Variants in TNFRSF4 observed in about 807,000 individuals in gnomAD.
The protein encoded by TNFRSF4 is tumor necrosis factor receptor superfamily member 4.
A neutral mutation model predicts 29.5 loss-of-function variants in TNFRSF4; 21 were observed. That is an observed-to-expected ratio of 0.71 (90% CI 0.51 to 1.03). The LOEUF (loss-of-function observed/expected upper bound fraction) is 1.03. TNFRSF4 is among the 50% of genes least tolerant of loss of function. The probability of loss-of-function intolerance (pLI) is 0.00; values close to 1 mark genes in which losing one functional copy is unlikely to be tolerated. For missense variants in TNFRSF4, 408 were observed against 387.8 expected (o/e 1.05, Z -0.44); for synonymous variants, 197 against 172.7 (o/e 1.14, Z -1.10).
intron 4 of TNFRSF4, among the ~76,000 whole-genome samples, 187 bp from the exon 5 acceptor site, chr1:1,212,325 T>G (rs1395917557): frequency 6.6e-6 from 1 of 151,004 alleles, no homozygotes; most frequent in African/African-American, 2.4e-5. Context: ...CCACACACCC[T>G]TCTCCCACAT....
rs746967425 is a variant in TNFRSF4, at chr1:1,213,755, G to T, written c.176C>A (p.Ser59Tyr). 1.2e-6 allele frequency: 2 copies of T among 1,603,054 alleles called. No individual in the cohort carries two copies. The highest frequency in any genetic ancestry group is 1.3e-5 in the African/African-American group (1 of 74,812). ...GNGMVSRCSR[S>Y]QNTVCRPCGP... The stretch of plus-strand genomic sequence containing the variant: ...GCACGGACGGCACACCGTGTTCTGG[G>T]AGCGGCTGCAGCGGCTCACCATCCC... The change falls in exon 2 of 7, where the codon TCC becomes TAC. Residue 59 changes from serine (S) to tyrosine (Y), a missense_variant. Coordinates refer to ENST00000379236, the MANE Select transcript of TNFRSF4 (RefSeq NM_003327.4).
chr1:1,213,200 C>A lies in TNFRSF4; in HGVS notation c.269-107G>T, dbSNP rs888454578. ...TTGGCCTCCCCACCACACAGAGGGC[C>A]GTGGGCAGGGGTCTGCGGCCTCCCC... On this transcript the variant is annotated intron_variant, in intron 2 of 6. Coordinates refer to ENST00000379236, the MANE Select transcript of TNFRSF4 (RefSeq NM_003327.4). 5 of 1,536,112 alleles carry A rather than the reference C, an allele frequency of 3.3e-6. No individual in the cohort carries two copies. In the African/African-American group the frequency reaches 6.8e-5, roughly 21 times the overall value.
At position 1,213,941 on chromosome 1, in the gene TNFRSF4, C is replaced by A. The variant is rs747716164; in HGVS notation, c.145+42G>T. 8 of 1,527,314 alleles carry A rather than the reference C, an allele frequency of 5.2e-6. No homozygotes were observed. The South Asian group carries it at 6.0e-5, about 12-fold the overall frequency. 94.6% of individuals were successfully genotyped at this position (1,527,314 alleles called of 1,614,324 possible). The stretch of plus-strand genomic sequence containing the variant: ...GCCCATCCCTGCCCCAGCCCCCAGT[C>A]CCTGGAGTGCCCGTGCGTGGCGACC... On this transcript the variant is annotated intron_variant, in intron 1 of 6. Coordinates refer to ENST00000379236, the MANE Select transcript of TNFRSF4 (RefSeq NM_003327.4).
chr1:1,212,613 C>CAA, intron 4 of TNFRSF4, 25 bp downstream of exon 4: 2 of 1,463,128 alleles, frequency 1.4e-6, no homozygotes, highest in Non-Finnish European at 1.8e-6. Context: ...CCCAGCCCCT[C>CAA]CCAGCCCCTG....
chr1:1,211,805 A>G lies in TNFRSF4; in HGVS notation c.662T>C (p.Leu221Pro), dbSNP rs1050588149. Reference sequence around the variant, plus strand: ...GCCCAGCAGCCCCAGCACCAGGCCCAGGCCCAGGATGGCGGCAACCGCACG... The same window carrying G: ...GCCCAGCAGCCCCAGCACCAGGCCCGGGCCCAGGATGGCGGCAACCGCACG... The part of the protein sequence containing the change: ...GGRAVAAILG[L>P]GLVLGLLGPL... Residue 221 changes from leucine to proline, a missense_variant, in exon 6 of 7, where the codon CTG (leucine) becomes CCG (proline). By Grantham distance (98) the Leu-to-Pro change is moderately conservative. Coordinates refer to ENST00000379236, the MANE Select transcript of TNFRSF4 (RefSeq NM_003327.4). The G allele has an allele frequency of 3.2e-6, 5 of 1,555,476 alleles. No homozygotes were observed. Among genetic ancestry groups the G allele is most frequent in the Non-Finnish European group, 4.3e-6 (5 of 1,153,692 alleles).
chr1:1,213,967 C>T lies in TNFRSF4; in HGVS notation c.145+16G>A, dbSNP rs1334186255. On this transcript the variant is annotated intron_variant, in intron 1 of 6. Transcript: ENST00000379236. ...CCTGGAGTGCCCGTGCGTGGCGACC[C>T]CTCCTGAGGCCTCACCTGGCCTGCA... is the stretch of plus-strand genomic sequence containing the variant. 1 of 1,586,188 alleles carries T rather than the reference C, an allele frequency of 6.3e-7. No homozygotes were observed. Among genetic ancestry groups the T allele is most frequent in the Non-Finnish European group, 8.6e-7 (1 of 1,167,422 alleles).
At chr1:1,213,306 C>A in intron 2 of TNFRSF4, 1 of 1,524,920 alleles carries the variant, frequency 6.6e-7, no homozygotes, top group Non-Finnish European at 8.8e-7. Context: ...TCCGTGGCAG[C>A]CCCAGCCACC....
In TNFRSF4 at chr1:1,211,652, T is replaced by G. The variant is rs749749659; in HGVS notation, c.764-27A>C. Reference sequence around the variant, plus strand: ...TGGGGAGGAAAAAAGGAGAGATTGGTGGGTGGGCCTCACCCGCCAGGAGCA... The same window carrying G: ...TGGGGAGGAAAAAAGGAGAGATTGGGGGGTGGGCCTCACCCGCCAGGAGCA... On this transcript the variant is annotated intron_variant, in intron 6 of 6. Coordinates refer to ENST00000379236, the MANE Select transcript of TNFRSF4 (RefSeq NM_003327.4). 2.6e-6 allele frequency: 4 copies of G among 1,563,902 alleles called. No homozygotes were observed. The East Asian group carries it at 7.0e-5, about 27-fold the overall frequency.
At chr1:1,213,494 C>T (rs1649295690) in intron 2 of TNFRSF4, 169 bp downstream of exon 2, 1 of 1,468,790 alleles carries the variant, frequency 6.8e-7, no homozygotes. Flanking sequence ...GGGGGTGCCC[C>T]TGGGAGACGC....
rs754909308 is a variant in TNFRSF4, at chr1:1,214,133, T to TCTC, written c.-9_-7dup. ...CGCCGAGCCCCCACGCACATCCTCGTCTCTGCTGTCGCCAGAGTCTGGGTT... is the reference window on the plus strand; with the variant it reads ...CGCCGAGCCCCCACGCACATCCTCGTCTCCTCTGCTGTCGCCAGAGTCTGGGTT... On this transcript the variant is annotated 5_prime_UTR_variant, in exon 1 of 7. Coordinates refer to ENST00000379236, the MANE Select transcript of TNFRSF4 (RefSeq NM_003327.4). The surrounding 1 kb of genome is among the most constrained non-coding windows in gnomAD (Gnocchi z 4.2). 4.2e-5 allele frequency: 66 copies of TCTC among 1,574,032 alleles called. No individual in the cohort carries two copies. The African/African-American group carries it at 7.1e-4, about 17-fold the overall frequency.
intron 3 of TNFRSF4, 75 bp downstream of exon 3, chr1:1,212,917 C>G: frequency 2.1e-6 from 3 of 1,445,604 alleles, no homozygotes; most frequent in Non-Finnish European, 2.8e-6. Flanking sequence ...CAGGTCCCTG[C>G]GGCCCACGGC....
At position 1,211,387 on chromosome 1, in the gene TNFRSF4, G is replaced by T; in HGVS notation, c.*168C>A. ...TGTGGTCCCGCGGGGCAGGAGGTAT[G>T]CATGGCATACGTAAGCAGAGAGCCG... On this transcript the variant is annotated 3_prime_UTR_variant, in exon 7 of 7. Transcript: ENST00000379236. 1 of 576,582 alleles carries T rather than the reference G, an allele frequency of 1.7e-6. No homozygotes were observed. The highest frequency in any genetic ancestry group is 2.8e-6 in the Non-Finnish European group (1 of 357,870). The allele number at this position is 576,582 out of a possible 1,614,324, so 35.7% of individuals were successfully genotyped here. A position where few individuals can be genotyped will look rare whatever the true frequency, so the allele number is the denominator to read the frequency against.
Position 1,211,942 on chromosome 1 carries a change from C to G in TNFRSF4, c.634G>C (p.Gly212Arg). The change falls in exon 5 of 7, where the codon GGC becomes CGC. Residue 212 changes from glycine to arginine, a missense_variant and splice_region_variant. By Grantham distance (125) the Gly-to-Arg change is moderately radical. Coordinates refer to ENST00000379236, the MANE Select transcript of TNFRSF4 (RefSeq NM_003327.4). ...GCTGGGCTGGGCCAGGCGCCCTTAC[C>G]CCCGGGGACCTCCACGGGCCGGGTG... ...PSTRPVEVPGGRAVAAILGLG... is the reference protein window; with the variant it reads ...PSTRPVEVPGRRAVAAILGLG... 6.4e-7 allele frequency: 1 copy of G among 1,558,888 alleles called. No homozygotes were observed. Among genetic ancestry groups the G allele is most frequent in the Non-Finnish European group, 8.7e-7 (1 of 1,155,514 alleles).
rs201625141 is a variant in TNFRSF4 at position 1,214,132 on chromosome 1, G to A, written c.-5C>T. 2.4e-5 allele frequency: 38 copies of A among 1,573,956 alleles called. No homozygotes were observed. Among genetic ancestry groups the A allele is most frequent in the East Asian group, 4.6e-5 (2 of 43,700 alleles). Reference sequence around the variant, plus strand: ...CCGCCGAGCCCCCACGCACATCCTCGTCTCTGCTGTCGCCAGAGTCTGGGT... The same window carrying A: ...CCGCCGAGCCCCCACGCACATCCTCATCTCTGCTGTCGCCAGAGTCTGGGT... On this transcript the variant is annotated 5_prime_UTR_variant, in exon 1 of 7. It adds an upstream start codon to the 5' untranslated region. Coordinates refer to ENST00000379236, the MANE Select transcript of TNFRSF4 (RefSeq NM_003327.4). This position sits in a 1 kb window ranked among gnomAD's most constrained non-coding sequence, Gnocchi z 4.2.
At chr1:1,212,775 T>G in intron 3 of TNFRSF4, 71 bp from the exon 4 acceptor site, 1 of 1,359,782 alleles carries the variant, frequency 7.4e-7, no homozygotes, top group Non-Finnish European at 9.9e-7. Context: ...GCAGAGCCTG[T>G]GGGGCAGGCA....
rs1557505046 is a variant in TNFRSF4 at position 1,211,538 on chromosome 1, A to T, written c.*17T>A. On this transcript the variant is annotated 3_prime_UTR_variant, in exon 7 of 7. Coordinates refer to ENST00000379236, the MANE Select transcript of TNFRSF4 (RefSeq NM_003327.4). ...TCCAGCCTGGCGGGGCCCAGCGTCC[A>T]CCTTGGTGGGCCCAGGTCAGATCTT... is the stretch of plus-strand genomic sequence containing the variant. 2.0e-6 allele frequency: 3 copies of T among 1,482,414 alleles called. No homozygotes were observed. Among genetic ancestry groups the T allele is most frequent in the Non-Finnish European group, 2.7e-6 (3 of 1,118,082 alleles). The allele number at this position is 1,482,414 out of a possible 1,614,324, so 91.8% of individuals were successfully genotyped here. A position where few individuals can be genotyped will look rare whatever the true frequency, so the allele number is the denominator to read the frequency against.
At chr1:1,212,962 C>G (rs758060372) in intron 3 of TNFRSF4, 30 bp downstream of exon 3, 1 of 1,585,256 alleles carries the variant, frequency 6.3e-7, no homozygotes, top group African/African-American at 1.3e-5. Context: ...ATGCACACCC[C>G]CAACCGCCGG....
chr1:1,213,627 T>G (rs1394178357), intron 2 of TNFRSF4, 36 bp downstream of exon 2: 1 of 1,552,348 alleles, frequency 6.4e-7, no homozygotes, highest in Non-Finnish European at 8.7e-7. Context: ...CCGCCCCCTG[T>G]GCTGGGTGGG....
chr1:1,211,881 C>A, intron 5 of TNFRSF4, 49 bp from the exon 6 acceptor site: 1 of 1,506,882 alleles, frequency 6.6e-7, no homozygotes, highest in South Asian at 1.3e-5. Context: ...GGCCCCCATG[C>A]CGCCCTCCCC....
Sources: gnomAD v4.1 joint callset for allele counts (sites outside exome capture counted in the v4.1 genomes callset) on GRCh38, gnomAD v4.1.1 for gene constraint, Gnocchi (gnomAD v3.1) non-coding constraint, MANE v1.5 for transcripts, NCBI Gene and HGNC (gene_info 2026-07-23, HGNC 2026-07-21) for gene names.